Variants in EPB41L4A observed in about 807,000 individuals in gnomAD.
The protein encoded by EPB41L4A is band 4.1-like protein 4A.
EPB41L4A carries 100 observed loss-of-function variants against 108.6 expected under a neutral mutation model. The observed-to-expected ratio is 0.92, with a 90% CI of 0.78 to 1.09. The LOEUF (loss-of-function observed/expected upper bound fraction) is 1.09, where lower values mean the gene tolerates loss of function less well. Ranked by LOEUF, EPB41L4A falls within the 50% of genes least tolerant of loss-of-function variation. EPB41L4A has a pLI of 0.00. For synonymous variants in EPB41L4A, 319 were observed against 289.0 expected, an observed-to-expected ratio of 1.10 and a Z score of -1.05; for missense variants, 1,030 against 842.7, an observed-to-expected ratio of 1.22 and a Z score of -2.75.
intron 22 of EPB41L4A, among the ~76,000 whole-genome samples, chr5:112,166,630 T>C (rs1453924159): frequency 1.3e-5 from 2 of 152,226 alleles, no homozygotes; most frequent in Non-Finnish European, 2.9e-5. Flanking sequence ...GTTGCTTCTC[T>C]AGCTCAGGCA....
At chr5:112,360,228 G>C (rs916730904) in intron 1 of EPB41L4A, among the ~76,000 whole-genome samples, 1 of 152,132 alleles carries the variant, frequency 6.6e-6, no homozygotes, top group Non-Finnish European at 1.5e-5. Flanking sequence ...TTTGAGACCA[G>C]CCTGGGCAAC....
At chr5:112,395,485 A>G (rs749883282) in intron 1 of EPB41L4A, among the ~76,000 whole-genome samples, 26 of 152,254 alleles carry the variant, frequency 1.7e-4, no homozygotes, top group Non-Finnish European at 2.8e-4. Flanking sequence ...GCCAACAGAC[A>G]CATGAAAAAA....
rs763876697 is a variant in EPB41L4A at position 112,234,766 on chromosome 5, C to T, written c.966-11G>A. On this transcript the variant is annotated splice_polypyrimidine_tract_variant and intron_variant, in intron 11 of 22. Coordinates refer to ENST00000261486, the MANE Select transcript of EPB41L4A (RefSeq NM_022140.5). ...AAAGCTGTCCTGCCACTTGAGAGTG[C>T]AACATTTTGATTAGCAAAGGTAAAA... 1.2e-6 allele frequency: 2 copies of T among 1,605,956 alleles called. No homozygotes were observed. Among genetic ancestry groups the T allele is most frequent in the Non-Finnish European group, 1.7e-6 (2 of 1,174,788 alleles).
At chr5:112,386,500 G>A (rs776354274) in intron 1 of EPB41L4A, among the ~76,000 whole-genome samples, 4 of 152,094 alleles carry the variant, frequency 2.6e-5, no homozygotes, top group African/African-American at 7.2e-5. Flanking sequence ...AAGGATGCTC[G>A]GGGAATGAGG....
At chr5:112,258,866 A>G (rs988836858) in intron 9 of EPB41L4A, among the ~76,000 whole-genome samples, 1 of 152,194 alleles carries the variant, frequency 6.6e-6, no homozygotes, top group Non-Finnish European at 1.5e-5. Flanking sequence ...CAAAATTAGA[A>G]TGCATTTTGG....
In EPB41L4A at chr5:112,382,281, G is replaced by A. The variant is rs114680565; in HGVS notation, c.99+36660C>T. Among the ~76,000 whole-genome samples the A allele has an allele frequency of 3.0e-3, 451 of 151,912 alleles. 2 individuals are homozygous for A. Among genetic ancestry groups the A allele is most frequent in the African/African-American group, 0.01 (419 of 41,410 alleles). On this transcript the variant is annotated intron_variant, in intron 1 of 22. Transcript: ENST00000261486. ...ACATCATTCGAAAGTTCTAACCTAAGTTCAGGCTCAAGAAAAAAAAAAGTT... is the reference window on the plus strand; with the variant it reads ...ACATCATTCGAAAGTTCTAACCTAAATTCAGGCTCAAGAAAAAAAAAAGTT...
chr5:112,353,141 G>A (rs75368108), intron 1 of EPB41L4A, among the ~76,000 whole-genome samples: 10 of 152,146 alleles, frequency 6.6e-5, no homozygotes, highest in Admixed American at 6.5e-5. Context: ...TATTAGTGAA[G>A]ACTATGGTAA....
chr5:112,348,359 G>C (rs1757821758), intron 1 of EPB41L4A, among the ~76,000 whole-genome samples: 2 of 152,010 alleles, frequency 1.3e-5, no homozygotes, highest in Admixed American at 1.3e-4. Context: ...TTATTTCTTT[G>C]TATCTCCAAG....
chr5:112,224,389 T>C (rs1203847843), intron 12 of EPB41L4A, among the ~76,000 whole-genome samples: 1 of 151,118 alleles, frequency 6.6e-6, no homozygotes, highest in Non-Finnish European at 1.5e-5. Context: ...TAAAAACCCA[T>C]ATACTTAAAA....
At chr5:112,403,134 G>C (rs1286324235) in intron 1 of EPB41L4A, among the ~76,000 whole-genome samples, 1 of 151,948 alleles carries the variant, frequency 6.6e-6, no homozygotes, top group African/African-American at 2.4e-5. Flanking sequence ...GTGCCATAAG[G>C]GGATTGATCC....
intron 5 of EPB41L4A, 124 bp from the exon 6 acceptor site, chr5:112,265,140 AC>A: frequency 7.1e-6 from 6 of 840,608 alleles, no homozygotes; most frequent in Non-Finnish European, 1.0e-5. Flanking sequence ...CACATATAAG[AC>A]AACTAAATAA....
intron 2 of EPB41L4A, among the ~76,000 whole-genome samples, chr5:112,283,737 T>C (rs1288608485): frequency 6.6e-6 from 1 of 152,150 alleles, no homozygotes; most frequent in African/African-American, 2.4e-5. Context: ...AACACAAAGT[T>C]GAATGAGACC....
In EPB41L4A at chr5:112,200,219, T is replaced by C. The variant is rs17321396; in HGVS notation, c.1376+4156A>G. Among the ~76,000 whole-genome samples the C allele has an allele frequency of 5.8e-3, 883 of 152,314 alleles. 3 individuals carry two copies. Among genetic ancestry groups the C allele is most frequent in the Middle Eastern group, 0.014 (4 of 294 alleles). On this transcript the variant is annotated intron_variant, in intron 15 of 22. Coordinates refer to ENST00000261486, the MANE Select transcript of EPB41L4A (RefSeq NM_022140.5). ...ATGCTAGCCCCTCTATCTGGTATGATTGCTCCTTTCTTTTAGCCTGTTTGT... is the reference window on the plus strand; with the variant it reads ...ATGCTAGCCCCTCTATCTGGTATGACTGCTCCTTTCTTTTAGCCTGTTTGT...
chr5:112,305,694 T>G (rs1380344028), intron 2 of EPB41L4A, among the ~76,000 whole-genome samples: 1 of 152,170 alleles, frequency 6.6e-6, no homozygotes, highest in Non-Finnish European at 1.5e-5. Context: ...ATGCAAAGAC[T>G]AAGCAATGTT....
intron 1 of EPB41L4A, among the ~76,000 whole-genome samples, chr5:112,400,608 C>T (rs1419085811): frequency 1.3e-5 from 2 of 152,134 alleles, no homozygotes; most frequent in Non-Finnish European, 2.9e-5. Flanking sequence ...AACTCATTCA[C>T]TAATGCAAAG....
chr5:112,407,646 CT>C (rs951742661), intron 1 of EPB41L4A, among the ~76,000 whole-genome samples: 2 of 152,164 alleles, frequency 1.3e-5, no homozygotes, highest in African/African-American at 4.8e-5. Flanking sequence ...TGCAAATACC[CT>C]TTTTTCCAGT....
chr5:112,326,064 T>C (rs1235401303), intron 1 of EPB41L4A, among the ~76,000 whole-genome samples: 1 of 152,108 alleles, frequency 6.6e-6, no homozygotes, highest in African/African-American at 2.4e-5. Context: ...GCAGGAAGAT[T>C]GCTTGAATCC....
intron 1 of EPB41L4A, among the ~76,000 whole-genome samples, chr5:112,352,256 TATTGCTATA>T (rs1758092271): frequency 6.6e-6 from 1 of 152,230 alleles, no homozygotes; most frequent in Non-Finnish European, 1.5e-5. Context: ...TGCGGGTGTT[TATTGCTATA>T]AGCTTCCCTC....
chr5:112,224,899 C>T (rs1046040105), intron 12 of EPB41L4A, among the ~76,000 whole-genome samples: 1 of 152,178 alleles, frequency 6.6e-6, no homozygotes, highest in Non-Finnish European at 1.5e-5. Flanking sequence ...ATCTCCATAG[C>T]CACCCATATA....
Sources: gnomAD v4.1 joint callset for allele counts (sites outside exome capture counted in the v4.1 genomes callset) on GRCh38, gnomAD v4.1.1 for gene constraint, MANE v1.5 for transcripts, NCBI Gene and HGNC (gene_info 2026-07-23, HGNC 2026-07-21) for gene names.